IGFL2: variants seen among roughly 807,000 people sequenced by gnomAD.
IGFL2 encodes the protein insulin growth factor-like family member 2.
IGFL2 carries 7 observed loss-of-function variants against 13.9 expected under a neutral mutation model. The ratio of observed to expected loss-of-function variants is 0.51; its 90% CI spans 0.29 to 0.95. The LOEUF (loss-of-function observed/expected upper bound fraction) is 0.95, where lower values mean the gene tolerates loss of function less well. IGFL2 is among the 40% of genes least tolerant of loss of function. The pLI, the probability that IGFL2 is intolerant of heterozygous loss-of-function variation, is 0.08. For synonymous variants in IGFL2, 55 were observed against 55.8 expected, an observed-to-expected ratio of 0.99 and a Z score of 0.07; for missense variants, 138 against 147.8, an observed-to-expected ratio of 0.93 and a Z score of 0.34.
At chr19:46,103,983 G>A in the IGFL2 span, among the ~76,000 whole-genome samples, 3 of 152,158 alleles carry the variant, frequency 2.0e-5, no homozygotes. Context: ...TACTAGAGAT[G>A]ACTAAGTAGG....
chr19:46,197,233 A>C, the IGFL2 span: 1 of 202,290 alleles, frequency 4.9e-6, no homozygotes, highest in Non-Finnish European at 1.0e-5. Context: ...GGTGAAGATG[A>C]AAGGCCAGAA....
At chr19:46,119,933 G>A in the IGFL2 span, 1 of 202,260 alleles carries the variant, frequency 4.9e-6, no homozygotes, top group East Asian at 1.5e-4. Flanking sequence ...AAGCCTCAGA[G>A]GGAGTGTTAC....
downstream of IGFL2, among the ~76,000 whole-genome samples, chr19:46,163,652 G>T (rs779935635): frequency 1.3e-5 from 2 of 152,180 alleles, no homozygotes; most frequent in African/African-American, 4.8e-5. Flanking sequence ...TTCAGATGGC[G>T]CTGGAGGCTC....
At chr19:46,160,091 C>A (rs1310623087) in intron 1 of IGFL2, 2 of 371,162 alleles carry the variant, frequency 5.4e-6, no homozygotes, top group Non-Finnish European at 1.0e-5. Context: ...TTCCTTATCA[C>A]CTTAATCTTA....
chr19:46,151,982 T>G (rs769606091), intron 1 of IGFL2, among the ~76,000 whole-genome samples: 2 of 152,228 alleles, frequency 1.3e-5, no homozygotes, highest in African/African-American at 2.4e-5. Flanking sequence ...CTGAACAATA[T>G]TAAGTCTTCC....
At chr19:46,081,570 C>A in the IGFL2 span, among the ~76,000 whole-genome samples, 1 of 152,172 alleles carries the variant, frequency 6.6e-6, no homozygotes, top group African/African-American at 2.4e-5. Flanking sequence ...TTAAGCCTTA[C>A]CTGTCTGATA....
the IGFL2 span, among the ~76,000 whole-genome samples, chr19:46,166,439 A>G: frequency 0.43 from 65,852 of 152,028 alleles, 16,172 homozygotes; most frequent in Non-Finnish European, 0.57. Context: ...TCACAAGGCA[A>G]GTGGAGGCAG....
intron 1 of IGFL2, among the ~76,000 whole-genome samples, chr19:46,152,945 A>G (rs10413877): frequency 0.03 from 4,511 of 152,208 alleles, 206 homozygotes; most frequent in African/African-American, 0.099. Flanking sequence ...TCTCCCTCCT[A>G]TAGTCTAGTA....
chr19:46,146,960 A>T (rs1235055209), upstream of IGFL2, among the ~76,000 whole-genome samples: 1 of 152,218 alleles, frequency 6.6e-6, no homozygotes, highest in Admixed American at 6.5e-5. Context: ...AATAGCCCAC[A>T]TGGTATCCAG....
At chr19:46,192,617 C>T in the IGFL2 span, among the ~76,000 whole-genome samples, 1 of 151,956 alleles carries the variant, frequency 6.6e-6, no homozygotes, top group South Asian at 2.1e-4. Flanking sequence ...ACAGGGGTTT[C>T]ACCATGTTGA....
the IGFL2 span, among the ~76,000 whole-genome samples, chr19:46,183,727 A>G: frequency 4.6e-5 from 7 of 151,888 alleles, no homozygotes; most frequent in South Asian, 1.5e-3. Flanking sequence ...GTAGAGATGA[A>G]GTTTCATGAT....
At chr19:46,173,070 G>T in the IGFL2 span, among the ~76,000 whole-genome samples, 1 of 152,206 alleles carries the variant, frequency 6.6e-6, no homozygotes, top group Admixed American at 6.5e-5. Context: ...AAGATTAAAG[G>T]TCTTTGGGTT....
intron 1 of IGFL2, among the ~76,000 whole-genome samples, chr19:46,154,555 TG>T (rs928618948): frequency 6.6e-6 from 1 of 152,174 alleles, no homozygotes; most frequent in Non-Finnish European, 1.5e-5. Context: ...GCCATTCTCC[TG>T]CCTCAGCCTC....
At chr19:46,207,257 C>T in the IGFL2 span, 1 of 152,132 alleles carries the variant, frequency 6.6e-6, no homozygotes, top group Non-Finnish European at 1.5e-5. Context: ...CTTATCTCCT[C>T]GCCATTGCCA....
the IGFL2 span, among the ~76,000 whole-genome samples, chr19:46,191,939 T>A: frequency 6.6e-6 from 1 of 152,378 alleles, no homozygotes; most frequent in African/African-American, 2.4e-5. Context: ...CATACTTTTC[T>A]TCTTGGCATA....
At chr19:46,128,054 T>C in the IGFL2 span, among the ~76,000 whole-genome samples, 1,852 of 152,300 alleles carry the variant, frequency 0.012, 12 homozygotes, top group Non-Finnish European at 0.019. Flanking sequence ...CCTGGTTAGC[T>C]ATATTCCTAG....
chr19:46,081,181 G>C, the IGFL2 span, among the ~76,000 whole-genome samples: 1 of 152,202 alleles, frequency 6.6e-6, no homozygotes, highest in East Asian at 1.9e-4. Flanking sequence ...TTTCAGGTGT[G>C]AGGGAGCATG....
chr19:46,092,761 G>T, the IGFL2 span, among the ~76,000 whole-genome samples: 1 of 151,938 alleles, frequency 6.6e-6, no homozygotes, highest in Admixed American at 6.6e-5. Flanking sequence ...GATTACAGGT[G>T]TGAGCCATCA....
the IGFL2 span, among the ~76,000 whole-genome samples, chr19:46,118,299 C>T: frequency 6.6e-6 from 1 of 152,078 alleles, no homozygotes; most frequent in Non-Finnish European, 1.5e-5. Context: ...CAAGTAGATA[C>T]TCACATTTCA....
Sources: allele counts gnomAD v4.1 joint callset (sites outside exome capture counted in the v4.1 genomes callset), GRCh38; gene constraint gnomAD v4.1.1; transcripts MANE v1.5; gene names NCBI Gene and HGNC (gene_info 2026-07-23, HGNC 2026-07-21).